AGPAT3: variants seen among roughly 807,000 people sequenced by gnomAD.
The protein encoded by AGPAT3 is 1-acylglycerol-3-phosphate O-acyltransferase 3, also known as 1-acyl-sn-glycerol-3-phosphate acyltransferase gamma.
A neutral mutation model predicts 47.3 loss-of-function variants in AGPAT3; 5 were observed. The observed-to-expected ratio is 0.11, with a 90% CI of 0.06 to 0.22. The LOEUF (loss-of-function observed/expected upper bound fraction) is 0.22. Among genes scored for constraint, AGPAT3 ranks in the 10% least tolerant of loss-of-function variants. AGPAT3 has a pLI of 1.00. For synonymous variants in AGPAT3, 212 were observed against 208.3 expected, an observed-to-expected ratio of 1.02 and a Z score of -0.15; for missense variants, 315 against 493.0, an observed-to-expected ratio of 0.64 and a Z score of 3.42.
chr21:43,865,227 G>C lies in AGPAT3; in HGVS notation c.-230G>C, dbSNP rs913880240. On this transcript the variant is annotated 5_prime_UTR_variant, in exon 1 of 10. Coordinates refer to ENST00000291572, the MANE Select transcript of AGPAT3 (RefSeq NM_020132.5). Reference sequence around the variant, plus strand: ...GCCGGGGGCGGCGGGCGCCGCACTCGCTGAGGCCCCGACGCAGGGCCGGGC... The same window carrying C: ...GCCGGGGGCGGCGGGCGCCGCACTCCCTGAGGCCCCGACGCAGGGCCGGGC... 4 of 147,348 alleles carry C rather than the reference G, an allele frequency of 2.7e-5. No homozygotes were observed. In the East Asian group the frequency reaches 8.0e-4, roughly 29 times the overall value. 9.1% of individuals were successfully genotyped at this position (147,348 alleles called of 1,614,324 possible). A position where few individuals can be genotyped will look rare whatever the true frequency, so the allele number is the denominator to read the frequency against.
chr21:43,975,451 C>T (rs768333389), intron 7 of AGPAT3, among the ~76,000 whole-genome samples: 21 of 152,128 alleles, frequency 1.4e-4, no homozygotes, highest in Admixed American at 9.8e-4. Context: ...TGTGTTGCAA[C>T]GAGACTCAGC....
intron 1 of AGPAT3, among the ~76,000 whole-genome samples, chr21:43,899,227 T>C (rs753625793): frequency 6.6e-6 from 1 of 152,234 alleles, no homozygotes; most frequent in Non-Finnish European, 1.5e-5. Context: ...TGCTTGCTGG[T>C]TGCAGAACTC....
chr21:43,974,001 TTA>T (rs1299706452), intron 7 of AGPAT3, among the ~76,000 whole-genome samples: 1 of 152,214 alleles, frequency 6.6e-6, no homozygotes, highest in Non-Finnish European at 1.5e-5. Flanking sequence ...ATTCTTATGT[TTA>T]TATGTTTCAT....
At chr21:43,923,846 T>C (rs1356919018) in intron 2 of AGPAT3, among the ~76,000 whole-genome samples, 4 of 152,042 alleles carry the variant, frequency 2.6e-5, no homozygotes, top group African/African-American at 9.7e-5. Flanking sequence ...TGAAGTCCAT[T>C]GTACAAGAGT....
intron 2 of AGPAT3, among the ~76,000 whole-genome samples, chr21:43,911,430 C>G (rs1188386742): frequency 1.3e-5 from 2 of 152,268 alleles, no homozygotes; most frequent in African/African-American, 2.4e-5. Context: ...CAGAAGCAGC[C>G]TGTCCAGGCC....
At chr21:43,911,671 G>A (rs1438433528) in intron 2 of AGPAT3, among the ~76,000 whole-genome samples, 1 of 152,262 alleles carries the variant, frequency 6.6e-6, no homozygotes, top group African/African-American at 2.4e-5. Context: ...TGGAGCTGCT[G>A]TGCTCTGGAA....
intron 2 of AGPAT3, among the ~76,000 whole-genome samples, chr21:43,959,179 AG>A (rs2088681747): frequency 1.2e-5 from 1 of 84,038 alleles, no homozygotes; most frequent in African/African-American, 4.9e-5. Context: ...TGTGGTTTGC[AG>A]TGTGTGTGGC....
chr21:43,903,441 A>G (rs2086403058), intron 1 of AGPAT3, among the ~76,000 whole-genome samples: 1 of 152,230 alleles, frequency 6.6e-6, no homozygotes, highest in Admixed American at 6.5e-5. Flanking sequence ...ATGAGCAAAC[A>G]CGGGCTTTTT....
chr21:43,892,167 C>T (rs979907173), intron 1 of AGPAT3, among the ~76,000 whole-genome samples: 8 of 151,894 alleles, frequency 5.3e-5, no homozygotes, highest in African/African-American at 1.7e-4. Flanking sequence ...ATTACCCAGG[C>T]GTGGTGGTGC....
intron 2 of AGPAT3, among the ~76,000 whole-genome samples, chr21:43,957,785 ATGGGGGTCT>A (rs2088561014): frequency 7.2e-6 from 1 of 137,972 alleles, no homozygotes; most frequent in African/African-American, 2.7e-5. Context: ...CCCCCTGCAC[ATGGGGGTCT>A]CGGGTTTTCC....
At chr21:43,931,899 T>C (rs2087256818) in intron 2 of AGPAT3, among the ~76,000 whole-genome samples, 1 of 151,732 alleles carries the variant, frequency 6.6e-6, no homozygotes, top group African/African-American at 2.4e-5. Flanking sequence ...GTTTCCGTTC[T>C]GCTTTTTACC....
At position 43,922,130 on chromosome 21, in the gene AGPAT3, C is replaced by T. The variant is rs546543752; in HGVS notation, c.-49+18111C>T. On this transcript the variant is annotated intron_variant, in intron 2 of 9. Transcript: ENST00000291572. This position sits in a 1 kb window ranked among gnomAD's most constrained non-coding sequence, Gnocchi z 4.9. Reference sequence around the variant, plus strand: ...TCCTTTTTTGGAAGTCACCTGGGGACGGGGATGAGTCACCCGGGGGCCTTG... The same window carrying T: ...TCCTTTTTTGGAAGTCACCTGGGGATGGGGATGAGTCACCCGGGGGCCTTG... Among the ~76,000 whole-genome samples, 12 of 152,062 alleles carry T rather than the reference C, an allele frequency of 7.9e-5. No individual in the cohort carries two copies. Among genetic ancestry groups the T allele is most frequent in the Non-Finnish European group, 1.0e-4 (7 of 68,008 alleles).
chr21:43,921,890 C>T (rs952901005), intron 2 of AGPAT3, among the ~76,000 whole-genome samples: 3 of 152,082 alleles, frequency 2.0e-5, no homozygotes, highest in African/African-American at 7.2e-5. Flanking sequence ...CTGGGGACGG[C>T]GGGCCTGTCT....
chr21:43,977,931 CAGA>C (rs1334615155), intron 7 of AGPAT3, 112 bp from the exon 8 acceptor site: 9 of 664,964 alleles, frequency 1.4e-5, no homozygotes, highest in East Asian at 2.9e-5. Flanking sequence ...TGAGATGTGA[CAGA>C]AGGAGTGGGG....
intron 1 of AGPAT3, among the ~76,000 whole-genome samples, chr21:43,896,943 GTTTTTTTT>G (rs61657564): frequency 9.5e-5 from 4 of 42,322 alleles, no homozygotes; most frequent in African/African-American, 4.3e-4. Context: ...TTGACAGTCC[GTTTTTTTT>G]TTTTTTTTTT....
At position 43,985,688 on chromosome 21, in the gene AGPAT3, C is replaced by A. The variant is rs1016379168; in HGVS notation, c.*3296C>A. 1 of 197,420 alleles carries A rather than the reference C, an allele frequency of 5.1e-6. No homozygotes were observed. Among genetic ancestry groups the A allele is most frequent in the Non-Finnish European group, 1.1e-5 (1 of 95,224 alleles). 12.2% of individuals were successfully genotyped at this position (197,420 alleles called of 1,614,324 possible). On this transcript the variant is annotated 3_prime_UTR_variant, in exon 10 of 10. Transcript: ENST00000291572. ...AAGTTTCTGCATGCTTTGTCTCTACCTGAGACACTTCTACAACAAGCCAAG... is the reference window on the plus strand; with the variant it reads ...AAGTTTCTGCATGCTTTGTCTCTACATGAGACACTTCTACAACAAGCCAAG...
chr21:43,875,892 G>A (rs2085723133), intron 1 of AGPAT3, among the ~76,000 whole-genome samples: 2 of 152,198 alleles, frequency 1.3e-5, no homozygotes, highest in African/African-American at 4.8e-5. Context: ...ACAGGTGTGA[G>A]CCACCGTGCC....
intron 8 of AGPAT3, 114 bp from the exon 9 acceptor site, chr21:43,980,875 C>T (rs368748027): frequency 8.5e-5 from 85 of 1,001,500 alleles, no homozygotes; most frequent in East Asian, 3.1e-4. Context: ...TCTTAATTGA[C>T]GTGGCGCTTT....
chr21:43,957,442 G>T (rs2088527617), intron 2 of AGPAT3, among the ~76,000 whole-genome samples: 1 of 152,180 alleles, frequency 6.6e-6, no homozygotes, highest in African/African-American at 2.4e-5. Context: ...GGGGTTGGCA[G>T]CACCGCCAGC....
Sources: allele counts gnomAD v4.1 joint callset (sites outside exome capture counted in the v4.1 genomes callset), GRCh38; gene constraint gnomAD v4.1.1; non-coding constraint Gnocchi (gnomAD v3.1); transcripts MANE v1.5; gene names NCBI Gene and HGNC (gene_info 2026-07-23, HGNC 2026-07-21).